Variants in ZNF385B observed in about 807,000 individuals in gnomAD.
The protein encoded by ZNF385B is zinc finger protein 533.
A neutral mutation model predicts 39.2 loss-of-function variants in ZNF385B; 23 were observed. That is an observed-to-expected ratio of 0.59 (90% CI 0.42 to 0.83). The LOEUF is 0.83. ZNF385B is among the 40% of genes least tolerant of loss of function. The pLI is 0.00. For missense variants in ZNF385B, 552 were observed against 598.9 expected, an observed-to-expected ratio of 0.92 and a Z score of 0.82; for synonymous variants, 205 against 222.6, an observed-to-expected ratio of 0.92 and a Z score of 0.70.
At chr2:179,730,785 T>C (rs1701338379) in intron 3 of ZNF385B, among the ~76,000 whole-genome samples, 1 of 152,084 alleles carries the variant, frequency 6.6e-6, no homozygotes, top group South Asian at 2.1e-4. Flanking sequence ...ATAGAAAAAT[T>C]ATTATGATAC....
At chr2:179,796,160 G>T (rs1421190330) in intron 1 of ZNF385B, 2 of 152,078 alleles carry the variant, frequency 1.3e-5, no homozygotes, top group African/African-American at 4.8e-5. Context: ...TACAAGAGAG[G>T]ATCACTTTGC....
chr2:179,787,600 T>G (rs28404240), intron 1 of ZNF385B, among the ~76,000 whole-genome samples: 21,240 of 152,054 alleles, frequency 0.14, 1,915 homozygotes, highest in East Asian at 0.49. Flanking sequence ...GATAATAGAA[T>G]GAAAGCTTCT....
chr2:179,780,304 C>T (rs1704590293), intron 1 of ZNF385B, among the ~76,000 whole-genome samples: 1 of 152,176 alleles, frequency 6.6e-6, no homozygotes, highest in African/African-American at 2.4e-5. Context: ...TGTCCCAGAA[C>T]CCTCTTCTCA....
intron 4 of ZNF385B, among the ~76,000 whole-genome samples, chr2:179,543,529 C>T (rs1281642037): frequency 6.6e-6 from 1 of 152,186 alleles, no homozygotes. Flanking sequence ...CCACTGGCAT[C>T]CTCAAGTTTG....
intron 3 of ZNF385B, among the ~76,000 whole-genome samples, chr2:179,647,833 A>G (rs1462826039): frequency 2.0e-5 from 3 of 152,178 alleles, no homozygotes; most frequent in African/African-American, 7.2e-5. Flanking sequence ...TCATTATTCA[A>G]ATTAAAATAC....
intron 1 of ZNF385B, among the ~76,000 whole-genome samples, chr2:179,832,370 A>T (rs944507442): frequency 3.9e-5 from 6 of 152,222 alleles, no homozygotes; most frequent in African/African-American, 1.4e-4. Context: ...AATGCATCAG[A>T]CTACAGTATA....
chr2:179,731,372 T>C (rs925666165), intron 3 of ZNF385B, among the ~76,000 whole-genome samples: 1 of 152,220 alleles, frequency 6.6e-6, no homozygotes. Context: ...TTCGAACCTG[T>C]GGCTGCCTGA....
At chr2:179,702,425 G>A (rs1699277693) in intron 3 of ZNF385B, among the ~76,000 whole-genome samples, 1 of 152,144 alleles carries the variant, frequency 6.6e-6, no homozygotes, top group African/African-American at 2.4e-5. Flanking sequence ...TGAGTAAAAG[G>A]CAGGCTTGCT....
chr2:179,816,562 G>C (rs78623334), intron 1 of ZNF385B, among the ~76,000 whole-genome samples: 5,372 of 152,268 alleles, frequency 0.035, 144 homozygotes, highest in Non-Finnish European at 0.057. Context: ...CCTGGGAAGA[G>C]GGCAGAGAGC....
At chr2:179,500,455 G>A (rs1233864417) in intron 5 of ZNF385B, among the ~76,000 whole-genome samples, 1 of 152,014 alleles carries the variant, frequency 6.6e-6, no homozygotes, top group Non-Finnish European at 1.5e-5. Flanking sequence ...TATCTACAGT[G>A]AACTCATTTT....
rs549961442 is a variant in ZNF385B at position 179,535,998 on chromosome 2, T to C, written c.441+8829A>G. ...TTCGCAAGCTTTTGATAAAAGTTTT[T>C]CAGAGGCCACTATCACTGATTAAAG... On this transcript the variant is annotated intron_variant, in intron 4 of 9. Coordinates refer to ENST00000410066, the MANE Select transcript of ZNF385B (RefSeq NM_152520.6). Among the ~76,000 whole-genome samples the C allele has an allele frequency of 4.6e-5, 7 of 152,352 alleles. No homozygotes were observed. In the South Asian group the frequency reaches 1.4e-3, roughly 32 times the overall value.
intron 1 of ZNF385B, among the ~76,000 whole-genome samples, chr2:179,827,296 G>C (rs1448338283): frequency 6.6e-6 from 1 of 152,116 alleles, no homozygotes; most frequent in Non-Finnish European, 1.5e-5. Flanking sequence ...GGGGTAAATA[G>C]ACTTGGGGAG....
intron 3 of ZNF385B, among the ~76,000 whole-genome samples, chr2:179,760,256 G>GTA (rs1703301163): frequency 4.0e-5 from 6 of 151,008 alleles, no homozygotes; most frequent in Admixed American, 1.3e-4. Context: ...GTGTGTGTGT[G>GTA]TATGACCTGT....
chr2:179,703,016 G>C (rs962649469), intron 3 of ZNF385B, among the ~76,000 whole-genome samples: 1 of 152,202 alleles, frequency 6.6e-6, no homozygotes, highest in Admixed American at 6.5e-5. Context: ...CAGCCTAACT[G>C]TTCACCTTCA....
intron 1 of ZNF385B, among the ~76,000 whole-genome samples, chr2:179,834,818 A>G (rs557026374): frequency 5.9e-5 from 9 of 152,332 alleles, no homozygotes; most frequent in Admixed American, 3.9e-4. Flanking sequence ...ACAAACTAAC[A>G]TCATAAGCCT....
At chr2:179,593,170 T>C (rs916824983) in intron 3 of ZNF385B, among the ~76,000 whole-genome samples, 1 of 152,148 alleles carries the variant, frequency 6.6e-6, no homozygotes, top group Non-Finnish European at 1.5e-5. Flanking sequence ...AACACTTTTT[T>C]GAAAAACTAT....
At chr2:179,511,757 A>G (rs2057705604) in intron 5 of ZNF385B, among the ~76,000 whole-genome samples, 1 of 152,180 alleles carries the variant, frequency 6.6e-6, no homozygotes, top group Non-Finnish European at 1.5e-5. Context: ...TCTAATGTAA[A>G]TCAATGAAAT....
At chr2:179,723,390 G>T (rs760291077) in intron 3 of ZNF385B, among the ~76,000 whole-genome samples, 9 of 152,016 alleles carry the variant, frequency 5.9e-5, no homozygotes, top group Non-Finnish European at 1.3e-4. Flanking sequence ...ATTAAGAAAG[G>T]TAATAACCAA....
chr2:179,614,477 G>A (rs188131992), intron 3 of ZNF385B, among the ~76,000 whole-genome samples: 6 of 152,270 alleles, frequency 3.9e-5, no homozygotes, highest in African/African-American at 1.2e-4. Flanking sequence ...AACTTCTAGG[G>A]TAAATTATAT....
Sources: allele counts gnomAD v4.1 joint callset (sites outside exome capture counted in the v4.1 genomes callset), GRCh38; gene constraint gnomAD v4.1.1; transcripts MANE v1.5; gene names NCBI Gene and HGNC (gene_info 2026-07-23, HGNC 2026-07-21).